The following NRXN1 variants were observed in gnomAD, a reference collection of about 807,000 sequenced individuals.
The protein encoded by NRXN1 is neurexin 1, also known as neurexin-1.
A neutral mutation model predicts 150.9 loss-of-function variants in NRXN1; 39 were observed. The observed-to-expected ratio is 0.26, with a 90% confidence interval of 0.20 to 0.34. NRXN1 has a LOEUF of 0.34. Among genes scored for constraint, NRXN1 ranks in the 10% least tolerant of loss-of-function variants. NRXN1 has a pLI of 1.00. For missense variants in NRXN1, 1,815 were observed against 1,949.9 expected (o/e 0.93, Z 1.30); for synonymous variants, 924 against 757.0 (o/e 1.22, Z -3.62).
chr2:50,169,092 T>C (rs149463004), intron 18 of NRXN1, among the ~76,000 whole-genome samples: 293 of 152,314 alleles, frequency 1.9e-3, no homozygotes, highest in African/African-American at 6.9e-3. Flanking sequence ...CTGGGCTGTG[T>C]GCCTAACATA....
At chr2:50,833,597 A>G (rs1390727219) in intron 5 of NRXN1, among the ~76,000 whole-genome samples, 1 of 152,170 alleles carries the variant, frequency 6.6e-6, no homozygotes, top group East Asian at 1.9e-4. Flanking sequence ...CAAAGAGACA[A>G]AACTATAGTT....
chr2:50,738,351 T>G (rs1328140660), intron 5 of NRXN1, among the ~76,000 whole-genome samples: 1 of 152,188 alleles, frequency 6.6e-6, no homozygotes. Context: ...TGTGTATGTA[T>G]TCCAAATTTA....
chr2:50,848,070 G>A (rs781253319), intron 5 of NRXN1, among the ~76,000 whole-genome samples: 1 of 152,092 alleles, frequency 6.6e-6, no homozygotes, highest in Non-Finnish European at 1.5e-5. Context: ...GCCTATAGAC[G>A]GCAAACTAAG....
chr2:50,495,372 GTGTGTGTGGTGTGTGT>G (rs2091515087), intron 15 of NRXN1, among the ~76,000 whole-genome samples: 1 of 7,112 alleles, frequency 1.4e-4, no homozygotes, highest in African/African-American at 6.7e-4. Flanking sequence ...GTGTGTGTGT[GTGTGTGTGGTGTGTGT>G]GTGTGTGTGT....
intron 5 of NRXN1, among the ~76,000 whole-genome samples, chr2:50,643,403 T>A (rs1684344817): frequency 6.6e-6 from 1 of 152,004 alleles, no homozygotes; most frequent in South Asian, 2.1e-4. Flanking sequence ...CTGTATACAA[T>A]TTTTATGTGT....
At chr2:50,187,383 TA>T (rs1426132759) in intron 18 of NRXN1, among the ~76,000 whole-genome samples, 1 of 152,140 alleles carries the variant, frequency 6.6e-6, no homozygotes, top group Non-Finnish European at 1.5e-5. Flanking sequence ...GCTCATTTTT[TA>T]AATCTTAAGG....
At chr2:50,859,511 CAA>C (rs1016873447) in intron 5 of NRXN1, among the ~76,000 whole-genome samples, 1 of 147,720 alleles carries the variant, frequency 6.8e-6, no homozygotes. Flanking sequence ...AGAAGGGGTG[CAA>C]AAAAAAGAGA....
intron 2 of NRXN1, among the ~76,000 whole-genome samples, chr2:51,024,867 ATTTT>A (rs1285960689): frequency 1.3e-5 from 2 of 152,052 alleles, no homozygotes; most frequent in African/African-American, 4.8e-5. Flanking sequence ...GAACTTATTT[ATTTT>A]AAAATTAGTT....
Position 50,532,356 on chromosome 2 carries a change from G to GA in NRXN1, c.2144-927dup, listed in dbSNP as rs142179002. Among the ~76,000 whole-genome samples, 453 of 134,396 alleles carry GA rather than the reference G, an allele frequency of 3.4e-3. 2 individuals carry two copies. The highest frequency in any genetic ancestry group is 0.01 in the African/African-American group (403 of 39,278). 88.2% of individuals were successfully genotyped at this position (134,396 alleles called of 152,430 possible). A position where few individuals can be genotyped will look rare whatever the true frequency, so the allele number is the denominator to read the frequency against. The stretch of plus-strand genomic sequence containing the variant: ...TGCCCTGATAGAATTATTTTTAAAA[G>GA]AAAAAAAAAAGAAATATAGCTTAAC... On this transcript the variant is annotated intron_variant, in intron 10 of 22. Transcript: ENST00000401669.
chr2:51,023,104 G>A (rs541607820), intron 2 of NRXN1, among the ~76,000 whole-genome samples: 3 of 152,144 alleles, frequency 2.0e-5, no homozygotes, highest in African/African-American at 7.2e-5. Flanking sequence ...TTTTCCCCTA[G>A]TTTAATCTAC....
chr2:50,430,694 A>T (rs1459106533), intron 17 of NRXN1, among the ~76,000 whole-genome samples: 2 of 152,170 alleles, frequency 1.3e-5, no homozygotes, highest in East Asian at 3.9e-4. Flanking sequence ...TACCAGTCTT[A>T]GTTAATGTGT....
chr2:49,955,588 A>G (rs1674779263), intron 21 of NRXN1, among the ~76,000 whole-genome samples: 1 of 146,688 alleles, frequency 6.8e-6, no homozygotes, highest in African/African-American at 2.5e-5. Flanking sequence ...GACTGAGAAA[A>G]ACATAGTTAA....
intron 13 of NRXN1, 66 bp from the exon 14 acceptor site, chr2:50,497,780 A>G: frequency 6.9e-7 from 1 of 1,443,586 alleles, no homozygotes; most frequent in Non-Finnish European, 9.4e-7. Context: ...TTAGGCTTTC[A>G]TAACAATATC....
At chr2:50,115,993 T>C (rs1703008512) in intron 18 of NRXN1, among the ~76,000 whole-genome samples, 1 of 152,166 alleles carries the variant, frequency 6.6e-6, no homozygotes. Context: ...ATTTCTTCCC[T>C]AATTGATTAT....
At chr2:50,099,776 C>T (rs1335330998) in intron 18 of NRXN1, among the ~76,000 whole-genome samples, 1 of 152,100 alleles carries the variant, frequency 6.6e-6, no homozygotes, top group African/African-American at 2.4e-5. Context: ...AAAGCTAAAG[C>T]TCAGAAAGGC....
chr2:49,943,263 C>G (rs2104376244), intron 22 of NRXN1, among the ~76,000 whole-genome samples: 1 of 152,276 alleles, frequency 6.6e-6, no homozygotes, highest in African/African-American at 2.4e-5. Context: ...TTCCGAAATT[C>G]AGAAATATAT....
intron 5 of NRXN1, among the ~76,000 whole-genome samples, chr2:50,705,492 T>A (rs1203923394): frequency 2.0e-5 from 3 of 152,170 alleles, no homozygotes; most frequent in Non-Finnish European, 4.4e-5. Context: ...GTGAGTAACA[T>A]GCTGCTTTAT....
At chr2:50,547,472 G>A (rs1353311309) in intron 9 of NRXN1, 14 of 152,070 alleles carry the variant, frequency 9.2e-5, no homozygotes, top group Admixed American at 9.2e-4. Context: ...CTAAATACCT[G>A]GGCAGCTGTT....
At chr2:50,669,811 T>A (rs545789796) in intron 5 of NRXN1, among the ~76,000 whole-genome samples, 35 of 146,776 alleles carry the variant, frequency 2.4e-4, no homozygotes, top group East Asian at 1.8e-3. Context: ...TCAAAATAAA[T>A]AAATAAATAA....
Sources: allele counts gnomAD v4.1 joint callset (sites outside exome capture counted in the v4.1 genomes callset), GRCh38; gene constraint gnomAD v4.1.1; transcripts MANE v1.5; gene names NCBI Gene and HGNC (gene_info 2026-07-23, HGNC 2026-07-21).